MRPS27: variants seen among roughly 807,000 people sequenced by gnomAD.
MRPS27 encodes small ribosomal subunit protein mS27.
Under a neutral mutation model 48.9 loss-of-function variants are expected in MRPS27, and 43 were observed. That is an observed-to-expected ratio of 0.88 (90% CI 0.69 to 1.13). The LOEUF (loss-of-function observed/expected upper bound fraction) is 1.13. MRPS27 is among the 50% of genes most tolerant of loss of function. MRPS27 has a pLI of 0.00. For synonymous variants in MRPS27, 188 were observed against 171.9 expected (o/e 1.09, Z -0.73); for missense variants, 467 against 476.3 (o/e 0.98, Z 0.18).
chr5:72,258,782 T>TCA (rs771095436), intron 4 of MRPS27, among the ~76,000 whole-genome samples: 1 of 152,166 alleles, frequency 6.6e-6, no homozygotes, highest in Non-Finnish European at 1.5e-5. Context: ...AAATCTCTGT[T>TCA]ATTGATAAAC....
chr5:72,235,525 G>GT (rs1325113843), intron 5 of MRPS27, among the ~76,000 whole-genome samples: 2 of 152,078 alleles, frequency 1.3e-5, no homozygotes, highest in East Asian at 3.9e-4. Flanking sequence ...GTTTGTCAAC[G>GT]TAAGTTCATC....
At chr5:72,240,025 C>T (rs190837207) in intron 4 of MRPS27, among the ~76,000 whole-genome samples, 24 of 152,248 alleles carry the variant, frequency 1.6e-4, no homozygotes, top group East Asian at 7.7e-4. Context: ...ACTGCTTCAA[C>T]GATGGTGATG....
chr5:72,268,804 T>C (rs1468136566), intron 4 of MRPS27, among the ~76,000 whole-genome samples: 1 of 152,238 alleles, frequency 6.6e-6, no homozygotes, highest in Non-Finnish European at 1.5e-5. Context: ...GTGATTATTA[T>C]TTGACCTTTA....
intron 4 of MRPS27, among the ~76,000 whole-genome samples, chr5:72,283,829 G>C (rs1156844803): frequency 1.3e-5 from 2 of 151,910 alleles, no homozygotes; most frequent in Non-Finnish European, 2.9e-5. Context: ...TTCCCACTGA[G>C]GTTCAATTTT....
At chr5:72,291,279 A>G (rs141751241) in intron 4 of MRPS27, among the ~76,000 whole-genome samples, 1 of 152,346 alleles carries the variant, frequency 6.6e-6, no homozygotes, top group African/African-American at 2.4e-5. Context: ...AAATAAGTCT[A>G]AGCAAAAGAA....
chr5:72,236,088 A>G (rs1195165047), intron 5 of MRPS27, among the ~76,000 whole-genome samples: 1 of 152,128 alleles, frequency 6.6e-6, no homozygotes, highest in Non-Finnish European at 1.5e-5. Flanking sequence ...GTCTCAACTA[A>G]GAACCTAAAA....
intron 3 of MRPS27, among the ~76,000 whole-genome samples, chr5:72,296,879 G>A (rs1158127410): frequency 6.6e-6 from 1 of 152,158 alleles, no homozygotes; most frequent in Non-Finnish European, 1.5e-5. Context: ...GGAGGAAGAT[G>A]CAACCGTACC....
At chr5:72,238,725 C>T (rs1199804730) in intron 4 of MRPS27, among the ~76,000 whole-genome samples, 1 of 152,162 alleles carries the variant, frequency 6.6e-6, no homozygotes, top group Non-Finnish European at 1.5e-5. Flanking sequence ...CATTGTAGCT[C>T]ATCAGTTTAT....
chr5:72,255,660 C>T (rs1332873513), intron 4 of MRPS27, among the ~76,000 whole-genome samples: 4 of 152,152 alleles, frequency 2.6e-5, no homozygotes, highest in African/African-American at 4.8e-5. Flanking sequence ...ATTTACTTAT[C>T]GAAACAACCC....
chr5:72,225,978 G>C (rs1747883493), intron 9 of MRPS27, 79 bp downstream of exon 9: 4 of 1,504,928 alleles, frequency 2.7e-6, no homozygotes, highest in Non-Finnish European at 2.7e-6. Context: ...GTAGTGGAAA[G>C]ACAATGAAAA....
At chr5:72,300,909 A>C (rs907993193) in intron 2 of MRPS27, among the ~76,000 whole-genome samples, 1 of 152,194 alleles carries the variant, frequency 6.6e-6, no homozygotes, top group African/African-American at 2.4e-5. Context: ...AAATCCATAT[A>C]ATTACTAATA....
intron 4 of MRPS27, among the ~76,000 whole-genome samples, chr5:72,249,860 T>C (rs1417184872): frequency 6.6e-6 from 1 of 151,908 alleles, no homozygotes; most frequent in Non-Finnish European, 1.5e-5. Flanking sequence ...GGCAGCTGCC[T>C]GTAGTCCCAG....
intron 4 of MRPS27, among the ~76,000 whole-genome samples, chr5:72,269,956 G>A (rs771669081): frequency 5.3e-4 from 81 of 152,254 alleles, no homozygotes; most frequent in Non-Finnish European, 1.0e-3. Flanking sequence ...ACTTTGGAAG[G>A]CTGAGGTGGG....
intron 4 of MRPS27, among the ~76,000 whole-genome samples, chr5:72,257,405 G>T (rs923339907): frequency 6.6e-6 from 1 of 152,056 alleles, no homozygotes; most frequent in Non-Finnish European, 1.5e-5. Flanking sequence ...TCCCTAGCTG[G>T]TAAGTTTTCT....
At chr5:72,235,826 G>C (rs964653587) in intron 5 of MRPS27, among the ~76,000 whole-genome samples, 1 of 152,096 alleles carries the variant, frequency 6.6e-6, no homozygotes, top group Non-Finnish European at 1.5e-5. Context: ...AGGCACCAGA[G>C]GAATCTGAGA....
At chr5:72,292,443 T>C (rs1245117626) in intron 4 of MRPS27, among the ~76,000 whole-genome samples, 1 of 152,192 alleles carries the variant, frequency 6.6e-6, no homozygotes, top group East Asian at 1.9e-4. Context: ...GCAGCCTTTC[T>C]ATCTCTCCTT....
chr5:72,243,071 G>A (rs1018947006), intron 4 of MRPS27, among the ~76,000 whole-genome samples: 2 of 152,214 alleles, frequency 1.3e-5, no homozygotes, highest in African/African-American at 4.8e-5. Context: ...GTGGCAACAG[G>A]CTTTACAGAT....
chr5:72,243,822 A>C (rs1002692822), intron 4 of MRPS27, among the ~76,000 whole-genome samples: 1 of 152,246 alleles, frequency 6.6e-6, no homozygotes, highest in African/African-American at 2.4e-5. Flanking sequence ...TACAATGTAC[A>C]AACAAAAAAA....
intron 4 of MRPS27, among the ~76,000 whole-genome samples, chr5:72,263,573 C>T (rs1465461194): frequency 2.7e-5 from 4 of 149,134 alleles, no homozygotes; most frequent in African/African-American, 9.9e-5. Flanking sequence ...AAAGACAACC[C>T]AATTAATAAA....
Sources: allele counts gnomAD v4.1 joint callset (sites outside exome capture counted in the v4.1 genomes callset), GRCh38; gene constraint gnomAD v4.1.1; transcripts MANE v1.5; gene names NCBI Gene and HGNC (gene_info 2026-07-23, HGNC 2026-07-21).